ZNF257: variants seen among roughly 807,000 people sequenced by gnomAD.
ZNF257 encodes bone marrow zinc finger 4.
In ZNF257, 12 loss-of-function variants were observed where a neutral mutation model predicts 11.9. The observed-to-expected ratio is 1.01, with a 90% CI of 0.65 to 1.63. ZNF257 has a LOEUF of 1.63. Among genes scored for constraint, ZNF257 ranks in the 40% most tolerant of loss-of-function variants. The pLI is 0.00. For missense variants in ZNF257, 580 were observed against 665.5 expected (o/e 0.87, Z 1.41); for synonymous variants, 183 against 222.7 (o/e 0.82, Z 1.59).
chr19:22,065,752 A>T lies in ZNF257; in HGVS notation c.4-7057A>T, dbSNP rs942874821. 61 of 152,184 alleles carry T rather than the reference A, an allele frequency of 4.0e-4. 1 individual carries two copies. The highest frequency in any genetic ancestry group is 1.5e-3 in the African/African-American group (61 of 41,452). 9.4% of individuals were successfully genotyped at this position (152,184 alleles called of 1,614,324 possible). On this transcript the variant is annotated intron_variant, in intron 1 of 3. Transcript: ENST00000594947. The stretch of plus-strand genomic sequence containing the variant: ...GACATGGCCATCCAAAAACCGTAAT[A>T]GCTCTTTAGTTAACTATGTTGCAAG...
At chr19:22,060,225 A>T (rs2021757275) in intron 1 of ZNF257, among the ~76,000 whole-genome samples, 1 of 152,186 alleles carries the variant, frequency 6.6e-6, no homozygotes, top group Admixed American at 6.5e-5. Context: ...ATGAGACATC[A>T]CTACATTGCT....
At chr19:22,079,865 G>T (rs12461745) in intron 3 of ZNF257, among the ~76,000 whole-genome samples, 24,170 of 149,830 alleles carry the variant, frequency 0.16, 2,089 homozygotes, top group Admixed American at 0.23. Flanking sequence ...ATATGTTGAA[G>T]AATTTTATAT....
chr19:22,056,918 T>G (rs1392116351), intron 1 of ZNF257, among the ~76,000 whole-genome samples: 1 of 152,172 alleles, frequency 6.6e-6, no homozygotes, highest in Admixed American at 6.5e-5. Flanking sequence ...TGAATACATT[T>G]CCACAAGAAA....
At chr19:22,064,822 G>A (rs1312077709) in intron 1 of ZNF257, among the ~76,000 whole-genome samples, 2 of 152,148 alleles carry the variant, frequency 1.3e-5, no homozygotes, top group Non-Finnish European at 2.9e-5. Flanking sequence ...TTGGGAGGCC[G>A]AGGTGGGCAG....
chr19:22,088,212 C>T lies in ZNF257; in HGVS notation c.462C>T (p.Phe154=), dbSNP rs774431230. 2 of 1,608,286 alleles carry T rather than the reference C, an allele frequency of 1.2e-6. No individual in the cohort carries two copies. Among genetic ancestry groups the T allele is most frequent in the Admixed American group, 3.4e-5 (2 of 58,700 alleles). Residue 154 remains phenylalanine (F), a synonymous_variant, in exon 4 of 4, where the codon TTC becomes TTT. Transcript: ENST00000594947. ...MYQCDKYVKV[F]YKFSNSDRHK... ...AATGTGATAAATATGTAAAAGTCTT[C>T]TATAAGTTTTCAAATTCAGATAGAC...
chr19:22,056,478 A>ATT (rs79915542), intron 1 of ZNF257, among the ~76,000 whole-genome samples: 54,959 of 134,182 alleles, frequency 0.41, 11,986 homozygotes, highest in South Asian at 0.65. Flanking sequence ...GAATTTAGAA[A>ATT]TTTTTTTTTT....
intron 1 of ZNF257, among the ~76,000 whole-genome samples, chr19:22,057,333 A>C (rs2021670399): frequency 6.6e-6 from 1 of 152,170 alleles, no homozygotes; most frequent in South Asian, 2.1e-4. Flanking sequence ...AGTGACTCCA[A>C]GCTAAGGCTA....
chr19:22,084,968 A>G (rs1459617046), intron 3 of ZNF257, among the ~76,000 whole-genome samples: 1 of 151,802 alleles, frequency 6.6e-6, no homozygotes, highest in African/African-American at 2.4e-5. Context: ...ACCTCAGGTG[A>G]TCCACCCGCT....
At chr19:22,078,507 C>A (rs2022283483) in intron 3 of ZNF257, among the ~76,000 whole-genome samples, 1 of 151,928 alleles carries the variant, frequency 6.6e-6, no homozygotes, top group African/African-American at 2.4e-5. Flanking sequence ...AATATTTTCA[C>A]ACATTTTTTA....
In ZNF257 at chr19:22,073,285, G is replaced by A. The variant is rs575798387; in HGVS notation, c.131-184G>A. On this transcript the variant is annotated intron_variant, in intron 2 of 3. Coordinates refer to ENST00000594947, the MANE Select transcript of ZNF257 (RefSeq NM_033468.4). Reference sequence around the variant, plus strand: ...CCAATTTTTTTATTCAGTAGTACTGGGTAGTGAATTAAGAATCTACAAATA... The same window carrying A: ...CCAATTTTTTTATTCAGTAGTACTGAGTAGTGAATTAAGAATCTACAAATA... Among the ~76,000 whole-genome samples the A allele has an allele frequency of 1.5e-3, 231 of 151,906 alleles. 4 individuals are homozygous for A. Among genetic ancestry groups the A allele is most frequent in the Admixed American group, 0.015 (226 of 15,234 alleles).
chr19:22,073,022 T>A, intron 2 of ZNF257, 87 bp downstream of exon 2: 1 of 1,352,290 alleles, frequency 7.4e-7, no homozygotes, highest in Non-Finnish European at 9.8e-7. Context: ...TGTTTTTTGG[T>A]AATTTGGTAA....
At chr19:22,078,180 G>A (rs2022274591) in intron 3 of ZNF257, among the ~76,000 whole-genome samples, 1 of 146,962 alleles carries the variant, frequency 6.8e-6, no homozygotes. Flanking sequence ...GAAGGTTGCA[G>A]TGAACTGAGA....
chr19:22,087,966 A>G lies in ZNF257; in HGVS notation c.227-11A>G, dbSNP rs200656340. On this transcript the variant is annotated splice_polypyrimidine_tract_variant and intron_variant, in intron 3 of 3. Coordinates refer to ENST00000594947, the MANE Select transcript of ZNF257 (RefSeq NM_033468.4). The stretch of plus-strand genomic sequence containing the variant: ...GTAAGTGGAGTAATTTGTTGTTTTT[A>G]TTTCTTTTAGTTATGTGTTCTCATA... 4,395 of 1,464,346 alleles carry G rather than the reference A, an allele frequency of 3.0e-3. 15 individuals carry two copies. The highest frequency in any genetic ancestry group is 3.8e-3 in the Non-Finnish European group (4,251 of 1,105,402). 90.7% of individuals were successfully genotyped at this position (1,464,346 alleles called of 1,614,324 possible).
intron 3 of ZNF257, among the ~76,000 whole-genome samples, chr19:22,087,099 C>A (rs1206473876): frequency 6.6e-6 from 1 of 151,410 alleles, no homozygotes; most frequent in Non-Finnish European, 1.5e-5. Context: ...TATTATTCAA[C>A]TTATTTTAAA....
intron 1 of ZNF257, among the ~76,000 whole-genome samples, chr19:22,055,889 TAAAAAATACA>T (rs1210476756): frequency 6.6e-6 from 1 of 151,564 alleles, no homozygotes; most frequent in African/African-American, 2.4e-5. Context: ...CCGTCTCTAC[TAAAAAATACA>T]AAAAAATTAG....
At chr19:22,064,372 A>G (rs2021886946) in intron 1 of ZNF257, 1 of 152,222 alleles carries the variant, frequency 6.6e-6, no homozygotes, top group Admixed American at 6.5e-5. Context: ...CAAGGTTGTC[A>G]TTAGCTAGGA....
chr19:22,076,781 C>A (rs143522923), intron 3 of ZNF257, among the ~76,000 whole-genome samples: 1 of 152,116 alleles, frequency 6.6e-6, no homozygotes, highest in African/African-American at 2.4e-5. Context: ...CTCCGCCTCC[C>A]GGGTTCACGC....
At chr19:22,075,718 C>T (rs1016663725) in intron 3 of ZNF257, 3 of 152,182 alleles carry the variant, frequency 2.0e-5, no homozygotes, top group Admixed American at 2.0e-4. Context: ...ACAACTTCAT[C>T]CCTGGACTTT....
Position 22,087,979 on chromosome 19 carries a change from A to T in ZNF257, c.229A>T (p.Met77Leu). Residue 77 changes from methionine to leucine, a missense_variant and splice_region_variant, in exon 4 of 4, where the codon ATG becomes TTG. Coordinates refer to ENST00000594947, the MANE Select transcript of ZNF257 (RefSeq NM_033468.4). The stretch of plus-strand genomic sequence containing the variant: ...TTTGTTGTTTTTATTTCTTTTAGTT[A>T]TGTGTTCTCATATTGCTGAAGACCT... Reference protein sequence around the residue: ...RHEMVAKPPVMCSHIAEDLCP... With the variant: ...RHEMVAKPPVLCSHIAEDLCP... The T allele has an allele frequency of 6.7e-7, 1 of 1,483,506 alleles. No homozygotes were observed. Among genetic ancestry groups the T allele is most frequent in the Non-Finnish European group, 9.0e-7 (1 of 1,115,210 alleles). 91.9% of individuals were successfully genotyped at this position (1,483,506 alleles called of 1,614,324 possible).
Sources: allele counts gnomAD v4.1 joint callset (sites outside exome capture counted in the v4.1 genomes callset), GRCh38; gene constraint gnomAD v4.1.1; transcripts MANE v1.5; gene names NCBI Gene and HGNC (gene_info 2026-07-23, HGNC 2026-07-21).